The following CSMD1 variants were observed in gnomAD, a reference collection of about 807,000 sequenced individuals.
CSMD1 encodes the protein CUB and Sushi multiple domains 1, also known as CUB and sushi domain-containing protein 1.
Under a neutral mutation model 417.5 loss-of-function variants are expected in CSMD1, and 213 were observed. The observed-to-expected ratio is 0.51, with a 90% CI of 0.46 to 0.57. The LOEUF (loss-of-function observed/expected upper bound fraction) is 0.57. Ranked by LOEUF, CSMD1 falls within the 20% of genes least tolerant of loss-of-function variation. CSMD1 has a pLI of 0.00. For missense variants in CSMD1, 6,923 were observed against 4,529.7 expected (o/e 1.53, Z -15.17); for synonymous variants, 2,862 against 1,736.8 (o/e 1.65, Z -16.11).
At chr8:3,650,566 T>C (rs917963557) in intron 7 of CSMD1, among the ~76,000 whole-genome samples, 2 of 152,212 alleles carry the variant, frequency 1.3e-5, no homozygotes, top group Non-Finnish European at 2.9e-5. Flanking sequence ...TATTACAGAT[T>C]GTATACTGCT....
chr8:3,510,832 C>G (rs1414730120), intron 10 of CSMD1, among the ~76,000 whole-genome samples: 2 of 151,870 alleles, frequency 1.3e-5, no homozygotes, highest in African/African-American at 4.9e-5. Context: ...TGTTCATATC[C>G]TTCCCCCACT....
intron 10 of CSMD1, among the ~76,000 whole-genome samples, chr8:3,523,015 CCACACACACACACACA>C (rs35558604): frequency 2.1e-5 from 3 of 141,794 alleles, no homozygotes; most frequent in Non-Finnish European, 3.1e-5. Context: ...ATACACACAC[CCACACACACACACACA>C]CACACACACT....
At chr8:4,474,041 G>T (rs1022659447) in intron 2 of CSMD1, among the ~76,000 whole-genome samples, 5 of 151,922 alleles carry the variant, frequency 3.3e-5, no homozygotes, top group Admixed American at 3.3e-4. Flanking sequence ...TACTATCAAA[G>T]AAATAAAAGC....
intron 3 of CSMD1, among the ~76,000 whole-genome samples, chr8:4,361,173 C>T (rs1223964810): frequency 6.6e-6 from 1 of 152,060 alleles, no homozygotes; most frequent in Non-Finnish European, 1.5e-5. Flanking sequence ...CTAAATTAGA[C>T]TTATTAAGCT....
intron 37 of CSMD1, among the ~76,000 whole-genome samples, chr8:3,178,357 C>G (rs761869968): frequency 3.3e-5 from 5 of 151,772 alleles, no homozygotes; most frequent in Non-Finnish European, 7.4e-5. Context: ...GTTTTAGAAC[C>G]AGGCATACTT....
chr8:3,228,734 G>A (rs1798658815), intron 27 of CSMD1, among the ~76,000 whole-genome samples: 1 of 151,390 alleles, frequency 6.6e-6, no homozygotes, highest in African/African-American at 2.4e-5. Flanking sequence ...TAGTTATATT[G>A]CTTTTTAATG....
At chr8:3,048,783 A>G (rs2128987565) in intron 50 of CSMD1, among the ~76,000 whole-genome samples, 1 of 151,898 alleles carries the variant, frequency 6.6e-6, no homozygotes, top group East Asian at 1.9e-4. Flanking sequence ...CACTATTAAG[A>G]AAATGAAAAG....
At chr8:3,455,799 C>G (rs1395394568) in intron 12 of CSMD1, among the ~76,000 whole-genome samples, 1 of 152,234 alleles carries the variant, frequency 6.6e-6, no homozygotes, top group African/African-American at 2.4e-5. Context: ...TCTCAGATCT[C>G]AAGCTGCATG....
intron 1 of CSMD1, among the ~76,000 whole-genome samples, chr8:4,767,823 G>C (rs1470361108): frequency 1.3e-5 from 2 of 152,106 alleles, no homozygotes; most frequent in Admixed American, 1.3e-4. Flanking sequence ...CGAGGCACTG[G>C]AGCACCCAAC....
At chr8:3,594,126 C>G (rs1800982285) in intron 8 of CSMD1, among the ~76,000 whole-genome samples, 1 of 152,186 alleles carries the variant, frequency 6.6e-6, no homozygotes, top group Admixed American at 6.5e-5. Flanking sequence ...CTGCTCCTCA[C>G]TCTTCACTCT....
chr8:4,311,058 A>C (rs1349615801), intron 3 of CSMD1, among the ~76,000 whole-genome samples: 3 of 152,194 alleles, frequency 2.0e-5, no homozygotes, highest in African/African-American at 7.2e-5. Flanking sequence ...GTGGGAGTGT[A>C]AATTAGTTCA....
At chr8:4,253,137 A>G (rs892352237) in intron 3 of CSMD1, among the ~76,000 whole-genome samples, 2 of 152,168 alleles carry the variant, frequency 1.3e-5, no homozygotes, top group Admixed American at 6.5e-5. Context: ...TTGAATGAGT[A>G]TTTTCTAAAA....
At chr8:3,347,366 G>C (rs992133294) in intron 22 of CSMD1, among the ~76,000 whole-genome samples, 4 of 152,160 alleles carry the variant, frequency 2.6e-5, no homozygotes, top group African/African-American at 7.2e-5. Context: ...TTTCTAGTTG[G>C]AGCTGGGATT....
intron 5 of CSMD1, among the ~76,000 whole-genome samples, chr8:3,994,698 T>C (rs1815065779): frequency 6.6e-6 from 1 of 152,160 alleles, no homozygotes; most frequent in South Asian, 2.1e-4. Context: ...GTATGTTTAA[T>C]ATAAAGATAA....
intron 6 of CSMD1, among the ~76,000 whole-genome samples, chr8:3,738,681 C>G (rs1020200562): frequency 1.3e-5 from 2 of 152,164 alleles, no homozygotes; most frequent in African/African-American, 4.8e-5. Flanking sequence ...AGTCTTTCTA[C>G]TGAATGCACA....
chr8:3,609,126 C>G (rs1001540144), intron 8 of CSMD1, among the ~76,000 whole-genome samples: 1 of 152,202 alleles, frequency 6.6e-6, no homozygotes, highest in Non-Finnish European at 1.5e-5. Flanking sequence ...CTGACTCTGA[C>G]AAGATATAGC....
rs567400336 is a variant in CSMD1 at position 3,160,560 on chromosome 8, A to G, written c.5844+1599T>C. Among the ~76,000 whole-genome samples, 3 of 152,318 alleles carry G rather than the reference A, an allele frequency of 2.0e-5. No homozygotes were observed. In the East Asian group the frequency reaches 5.8e-4, roughly 29 times the overall value. On this transcript the variant is annotated intron_variant, in intron 38 of 69. Coordinates refer to ENST00000635120, the MANE Select transcript of CSMD1 (RefSeq NM_033225.6). ...CAGGAGTCCTTACTCACCAGTTTCC[A>G]CTACAGAGACTCTCGCTCTGCCTCC...
At chr8:4,368,771 T>G (rs1802236494) in intron 3 of CSMD1, among the ~76,000 whole-genome samples, 1 of 152,166 alleles carries the variant, frequency 6.6e-6, no homozygotes, top group Admixed American at 6.5e-5. Context: ...CATAATACTC[T>G]CAGGATTTTT....
chr8:3,182,578 C>CTGTGTGTGTGTGTGTGTGTG (rs35090952), intron 36 of CSMD1, among the ~76,000 whole-genome samples: 2 of 94,122 alleles, frequency 2.1e-5, no homozygotes, highest in East Asian at 3.6e-4. Context: ...TTATAAGAAG[C>CTGTGTGTGTGTGTGTGTGTG]TGTGTGTGTG....
Sources: allele counts gnomAD v4.1 joint callset (sites outside exome capture counted in the v4.1 genomes callset), GRCh38; gene constraint gnomAD v4.1.1; transcripts MANE v1.5; gene names NCBI Gene and HGNC (gene_info 2026-07-23, HGNC 2026-07-21).